MFAP4: variants seen among roughly 807,000 people sequenced by gnomAD.
MFAP4 encodes the protein microfibril associated protein 4.
In MFAP4, 20 loss-of-function variants were observed where a neutral mutation model predicts 32.4. The observed-to-expected ratio is 0.62, with a 90% CI of 0.43 to 0.90. The LOEUF (loss-of-function observed/expected upper bound fraction) is 0.90, where lower values mean the gene tolerates loss of function less well. Among genes scored for constraint, MFAP4 ranks in the 40% least tolerant of loss-of-function variants. The pLI, the probability that MFAP4 is intolerant of heterozygous loss-of-function variation, is 0.00. For synonymous variants in MFAP4, 146 were observed against 137.4 expected (o/e 1.06, Z -0.44); for missense variants, 267 against 329.5 (o/e 0.81, Z 1.47).
rs1050527148 is a variant in MFAP4 at position 19,386,794 on chromosome 17, C to G, written c.51G>C (p.Pro17=). ...LPLLLLLSTP[P]CAPQVSGIRG... ...GGATCCCGGAGACCTGGGGGGCACACGGGGGCGTGGAGAGAAGCAGCAGCA... is the reference window on the plus strand; with the variant it reads ...GGATCCCGGAGACCTGGGGGGCACAGGGGGGCGTGGAGAGAAGCAGCAGCA... The change falls in exon 2 of 6, where the codon CCG becomes CCC. Residue 17 remains proline, a synonymous_variant. Coordinates refer to ENST00000299610, the MANE Select transcript of MFAP4 (RefSeq NM_002404.3). The G allele has an allele frequency of 7.0e-6, 11 of 1,577,466 alleles. No homozygotes were observed. The highest frequency in any genetic ancestry group is 9.5e-6 in the Non-Finnish European group (11 of 1,161,564).
intron 3 of MFAP4, 135 bp from the exon 4 acceptor site, chr17:19,385,589 GTGGT>G: frequency 1.0e-5 from 7 of 675,156 alleles, no homozygotes; most frequent in African/African-American, 1.8e-5. Context: ...GGTGGGGAGG[GTGGT>G]GGGAGTGGGG....
At position 19,383,535 on chromosome 17, in the gene MFAP4, C is replaced by T; in HGVS notation, c.*927G>A. The stretch of plus-strand genomic sequence containing the variant: ...GGCCTGTGAAATACAAGGTTCCCTT[C>T]TGCACCTGACTCCAGGTGTAATTTT... On this transcript the variant is annotated 3_prime_UTR_variant, in exon 6 of 6. Transcript: ENST00000299610. 1 of 202,680 alleles carries T rather than the reference C, an allele frequency of 4.9e-6. No individual in the cohort carries two copies. Among genetic ancestry groups the T allele is most frequent in the Non-Finnish European group, 9.8e-6 (1 of 101,870 alleles). The allele number at this position is 202,680 out of a possible 1,614,324, so 12.6% of individuals were successfully genotyped here. A position where few individuals can be genotyped will look rare whatever the true frequency, so the allele number is the denominator to read the frequency against.
chr17:19,384,483 C>T lies in MFAP4; in HGVS notation c.747G>A (p.Glu249=), dbSNP rs1343375055. Residue 249 remains glutamate, a synonymous_variant, in exon 6 of 6, where the codon GAG becomes GAA. Transcript: ENST00000299610. ...CCCTTCAGGCCCGGCGGATTTTCAT[C>T]TCAGTGCGTTTGAGGGAGTAGTAGA... ...KGFYYSLKRT[E]MKIRRA is the part of the protein sequence containing the mutation. The T allele has an allele frequency of 1.9e-6, 3 of 1,589,074 alleles. No individual in the cohort carries two copies. Among genetic ancestry groups the T allele is most frequent in the East Asian group, 2.3e-5 (1 of 43,320 alleles).
chr17:19,385,294 G>A lies in MFAP4; in HGVS notation c.338-13C>T. The A allele has an allele frequency of 6.2e-7, 1 of 1,614,234 alleles. No homozygotes were observed. The highest frequency in any genetic ancestry group is 8.5e-7 in the Non-Finnish European group (1 of 1,180,024). On this transcript the variant is annotated splice_polypyrimidine_tract_variant and intron_variant, in intron 4 of 5. Coordinates refer to ENST00000299610, the MANE Select transcript of MFAP4 (RefSeq NM_002404.3). ...ATGTTCTGCAGCCCTGGGGAGGAGGGGCAGCTGGTCAACAAGGACCTGGCC... is the reference window on the plus strand; with the variant it reads ...ATGTTCTGCAGCCCTGGGGAGGAGGAGCAGCTGGTCAACAAGGACCTGGCC...
chr17:19,385,308 A>C (rs1330519400), intron 4 of MFAP4, 27 bp from the exon 5 acceptor site: 1 of 1,614,196 alleles, frequency 6.2e-7, no homozygotes, highest in Admixed American at 1.7e-5. Flanking sequence ...GCTGGTCAAC[A>C]AGGACCTGGC....
chr17:19,386,376 G>A lies in MFAP4; in HGVS notation c.174C>T (p.Tyr58=), dbSNP rs1913033519. The change falls in exon 3 of 6, where the codon TAC becomes TAT. Residue 58 remains tyrosine, a synonymous_variant. Coordinates refer to ENST00000299610, the MANE Select transcript of MFAP4 (RefSeq NM_002404.3). ...GCACAGGCACACTGGGGCCCGAGGG[G>A]TAGATGAGGTACACGCCGTCTGACT... ...GYQSDGVYLI[Y]PSGPSVPVPV... The A allele has an allele frequency of 6.2e-7, 1 of 1,613,988 alleles. No homozygotes were observed. The highest frequency in any genetic ancestry group is 8.5e-7 in the Non-Finnish European group (1 of 1,179,966).
At chr17:19,386,158 A>T in intron 3 of MFAP4, 152 bp downstream of exon 3, 1 of 702,810 alleles carries the variant, frequency 1.4e-6, no homozygotes, top group Non-Finnish European at 2.3e-6. Flanking sequence ...AGGCACTTAG[A>T]ATTAAGCGTT....
At chr17:19,386,972 T>TGCCGGGGGG in intron 1 of MFAP4, 134 bp from the exon 2 acceptor site, 12 of 937,004 alleles carry the variant, frequency 1.3e-5, no homozygotes, top group Admixed American at 2.1e-5. Flanking sequence ...TGGCCCCTCT[T>TGCCGGGGGG]CCCTGCCCCC....
In MFAP4 at chr17:19,386,799, G is replaced by C. The variant is rs547704658; in HGVS notation, c.46C>G (p.Pro16Ala). 3 of 1,577,536 alleles carry C rather than the reference G, an allele frequency of 1.9e-6. No individual in the cohort carries two copies. The highest frequency in any genetic ancestry group is 2.7e-5 in the African/African-American group (2 of 74,340). ...CCGGAGACCTGGGGGGCACACGGGG[G>C]CGTGGAGAGAAGCAGCAGCAGCGGC... The part of the protein sequence containing the change: ...ALPLLLLLST[P>A]PCAPQVSGIR... The change falls in exon 2 of 6, where the codon CCC becomes GCC. Residue 16 changes from proline (P) to alanine (A), a missense_variant. Transcript: ENST00000299610.
At chr17:19,387,126 G>A (rs1913071778) in intron 1 of MFAP4, 24 bp downstream of exon 1, 6 of 1,612,250 alleles carry the variant, frequency 3.7e-6, no homozygotes, top group Non-Finnish European at 4.2e-6. Context: ...CATGCTATGA[G>A]TCCCCCGACC....
At chr17:19,386,972 T>TGGCGGGGGCCCCCCCCCC in intron 1 of MFAP4, 134 bp from the exon 2 acceptor site, 7 of 937,006 alleles carry the variant, frequency 7.5e-6, no homozygotes, top group Non-Finnish European at 1.0e-5. Context: ...TGGCCCCTCT[T>TGGCGGGGGCCCCCCCCCC]CCCTGCCCCC....
At chr17:19,386,184 G>T in intron 3 of MFAP4, 126 bp downstream of exon 3, 1 of 872,720 alleles carries the variant, frequency 1.1e-6, no homozygotes, top group Non-Finnish European at 1.7e-6. Flanking sequence ...CTGCTCAGAA[G>T]CTGTGCTGTG....
rs1004905136 is a variant in MFAP4 at position 19,386,475 on chromosome 17, G to A, written c.86-11C>T. ...AAAACCTCTCCAGAGCTGGGGGTAG[G>A]GACATGGGGACAGTGAGGAGAGTGG... On this transcript the variant is annotated splice_polypyrimidine_tract_variant and intron_variant, in intron 2 of 5. Transcript: ENST00000299610. 2.5e-6 allele frequency: 4 copies of A among 1,606,308 alleles called. No homozygotes were observed. In the African/African-American group the frequency reaches 5.4e-5, roughly 22 times the overall value.
Position 19,385,126 on chromosome 17 carries a change from C to G in MFAP4, c.493G>C (p.Val165Leu), listed in dbSNP as rs1266739667. 6.2e-7 allele frequency: 1 copy of G among 1,614,176 alleles called. No individual in the cohort carries two copies. The highest frequency in any genetic ancestry group is 8.5e-7 in the Non-Finnish European group (1 of 1,179,990). ...GCCCCGCCATCCTCAAAGCCTGCCACAAAGAGGGTGTAGCCATCCTCCTCT... is the reference window on the plus strand; with the variant it reads ...GCCCCGCCATCCTCAAAGCCTGCCAGAAAGAGGGTGTAGCCATCCTCCTCT... ...SAEEDGYTLF[V>L]AGFEDGGAGD... The change falls in exon 5 of 6, where the codon GTG becomes CTG. Residue 165 changes from valine (V) to leucine (L), a missense_variant. By Grantham distance (32) the Val-to-Leu change is conservative. Around this residue, in one of 3 missense-constraint regions of MFAP4, gnomAD observed 223 missense variants for 253.3 expected, o/e 0.88. Transcript: ENST00000299610.
In MFAP4 at chr17:19,385,414, CG is replaced by C; in HGVS notation, c.280del (p.Arg94AlafsTer27). 8.1e-6 allele frequency: 13 copies of C among 1,614,194 alleles called. No individual in the cohort carries two copies. The highest frequency in any genetic ancestry group is 1.1e-5 in the Non-Finnish European group (13 of 1,180,028). ...KRFNGSVSFF[R>X]GWNDYKLGFG... ...GCCCAGCTTGTAGTCATTCCAGCCG[CG>C]GAAGAAACTTACTGAGCCATTGAAT... On this transcript the variant is annotated frameshift_variant, in exon 4 of 6. Coordinates refer to ENST00000299610, the MANE Select transcript of MFAP4 (RefSeq NM_002404.3). LOFTEE classifies it high-confidence loss of function.
Position 19,384,665 on chromosome 17 carries a change from C to T in MFAP4, c.565G>A (p.Asp189Asn), listed in dbSNP as rs553225927. 9.3e-6 allele frequency: 15 copies of T among 1,614,092 alleles called. 1 individual carries two copies. Among genetic ancestry groups the T allele is most frequent in the South Asian group, 2.2e-5 (2 of 91,050 alleles). ...TGCACAAAGAGGTCCTGGTCCCGGT[C>T]GAAGGTAGAGAACTTCTGGCCACTG... is the stretch of plus-strand genomic sequence containing the variant. ...YHSGQKFSTF[D>N]RDQDLFVQNC... The change falls in exon 6 of 6, where the codon GAC becomes AAC. Residue 189 changes from aspartate to asparagine, a missense_variant. Transcript: ENST00000299610.
chr17:19,386,446 A>T lies in MFAP4; in HGVS notation c.104T>A (p.Leu35His), dbSNP rs560599219. Residue 35 changes from leucine (L) to histidine (H), a missense_variant, in exon 3 of 6, where the codon CTT becomes CAT. Transcript: ENST00000299610. ...GTCGTCACAGTCCAGGGGTTGCTGA[A>T]GGCAAAACCTCTCCAGAGCTGGGGG... ...IRGDALERFCLQQPLDCDDIY... is the reference protein window; with the variant it reads ...IRGDALERFCHQQPLDCDDIY... The T allele has an allele frequency of 6.2e-7, 1 of 1,613,370 alleles. No individual in the cohort carries two copies. Among genetic ancestry groups the T allele is most frequent in the Non-Finnish European group, 8.5e-7 (1 of 1,179,644 alleles).
chr17:19,384,429 AG>A lies in MFAP4; in HGVS notation c.*32del. The A allele has an allele frequency of 6.5e-7, 1 of 1,548,850 alleles. No homozygotes were observed. Among genetic ancestry groups the A allele is most frequent in the Non-Finnish European group, 8.7e-7 (1 of 1,144,950 alleles). On this transcript the variant is annotated 3_prime_UTR_variant, in exon 6 of 6. Transcript: ENST00000299610. ...GCACTCATGGAGACCATGGGTGTCC[AG>A]GGGAGGAAAGGTGCCTGAGGGGGCC... is the stretch of plus-strand genomic sequence containing the variant.
At chr17:19,386,509 C>T in intron 2 of MFAP4, 45 bp from the exon 3 acceptor site, 4 of 1,578,980 alleles carry the variant, frequency 2.5e-6, no homozygotes, top group Non-Finnish European at 3.5e-6. Context: ...GGGACTATGG[C>T]ATCACTGACA....
Sources: gnomAD v4.1 joint callset for allele counts on GRCh38, gnomAD v4.1.1 for gene constraint, gnomAD v4.1.1 regional missense constraint, MANE v1.5 for transcripts, NCBI Gene and HGNC (gene_info 2026-07-23, HGNC 2026-07-21) for gene names.